WWOX: variants seen among roughly 807,000 people sequenced by gnomAD.
The protein encoded by WWOX is WW domain-containing oxidoreductase.
A neutral mutation model predicts 46.2 loss-of-function variants in WWOX; 69 were observed. The observed-to-expected ratio is 1.49, with a 90% CI of 1.23 to 1.82. The LOEUF (loss-of-function observed/expected upper bound fraction) is 1.82. Ranked by LOEUF, WWOX falls within the 40% of genes most tolerant of loss-of-function variation. WWOX has a pLI of 0.00. For synonymous variants in WWOX, 359 were observed against 202.6 expected, an observed-to-expected ratio of 1.77 and a Z score of -6.56; for missense variants, 919 against 542.6, an observed-to-expected ratio of 1.69 and a Z score of -6.89.
At chr16:78,139,570 A>T (rs1261226372) in intron 4 of WWOX, among the ~76,000 whole-genome samples, 1 of 152,132 alleles carries the variant, frequency 6.6e-6, no homozygotes, top group African/African-American at 2.4e-5. Flanking sequence ...GCTTGAACCC[A>T]GGAGGCGGAG....
intron 8 of WWOX, among the ~76,000 whole-genome samples, chr16:78,530,937 T>G (rs1263415876): frequency 6.6e-6 from 1 of 152,196 alleles, no homozygotes; most frequent in African/African-American, 2.4e-5. Flanking sequence ...AGTTTTCACT[T>G]AGTTGAGGGA....
intron 8 of WWOX, among the ~76,000 whole-genome samples, chr16:79,178,933 C>G (rs1227338875): frequency 6.6e-6 from 1 of 152,116 alleles, no homozygotes; most frequent in Non-Finnish European, 1.5e-5. Flanking sequence ...TATTATATTT[C>G]CCATTGACTA....
chr16:79,148,961 A>G (rs1315582620), intron 8 of WWOX, among the ~76,000 whole-genome samples: 6 of 152,044 alleles, frequency 3.9e-5, no homozygotes, highest in Non-Finnish European at 5.9e-5. Context: ...GGGATTTTCT[A>G]TCTAGCCTGT....
intron 4 of WWOX, among the ~76,000 whole-genome samples, chr16:78,138,039 T>G (rs2033860439): frequency 6.6e-6 from 1 of 150,558 alleles, no homozygotes; most frequent in Admixed American, 6.6e-5. Flanking sequence ...CTGATCAGCT[T>G]CTATAATGGA....
intron 5 of WWOX, among the ~76,000 whole-genome samples, chr16:78,210,338 T>G (rs1301873575): frequency 1.3e-5 from 2 of 152,180 alleles, no homozygotes; most frequent in Non-Finnish European, 2.9e-5. Context: ...ACTGAGGATT[T>G]TTAATGCCCT....
intron 5 of WWOX, among the ~76,000 whole-genome samples, chr16:78,189,796 A>G (rs34846007): frequency 0.06 from 9,150 of 152,222 alleles, 354 homozygotes; most frequent in Middle Eastern, 0.099. Context: ...CTGGGATTAC[A>G]GGCACCTGCC....
At chr16:78,862,288 T>G (rs535198353) in intron 8 of WWOX, among the ~76,000 whole-genome samples, 80 of 150,590 alleles carry the variant, frequency 5.3e-4, no homozygotes, top group African/African-American at 1.9e-3. Context: ...GGGTGTGTCT[T>G]TCTGTATCTA....
intron 8 of WWOX, among the ~76,000 whole-genome samples, chr16:78,585,050 T>C (rs2045161362): frequency 6.6e-6 from 1 of 152,204 alleles, no homozygotes; most frequent in Admixed American, 6.5e-5. Context: ...CCTCCACCCC[T>C]GGCCTGTTCA....
At chr16:78,403,160 G>C (rs980923721) in intron 6 of WWOX, among the ~76,000 whole-genome samples, 1 of 152,194 alleles carries the variant, frequency 6.6e-6, no homozygotes, top group Non-Finnish European at 1.5e-5. Context: ...TTTATTTTTT[G>C]AGTGACTTGA....
intron 8 of WWOX, among the ~76,000 whole-genome samples, chr16:78,933,844 T>TA (rs896364093): frequency 2.6e-4 from 40 of 152,260 alleles, no homozygotes; most frequent in African/African-American, 8.9e-4. Context: ...TTGTGGGAGT[T>TA]ACAAGTTGCA....
chr16:78,866,355 C>G (rs958536109), intron 8 of WWOX, among the ~76,000 whole-genome samples: 3 of 152,082 alleles, frequency 2.0e-5, no homozygotes, highest in Non-Finnish European at 2.9e-5. Context: ...ACATGATTAA[C>G]TTGCAATAAT....
chr16:78,503,855 A>T (rs2085130030), intron 8 of WWOX: 1 of 152,250 alleles, frequency 6.6e-6, no homozygotes, highest in Non-Finnish European at 1.5e-5. Context: ...AGTGTTGTCA[A>T]ATTTGCTAAA....
intron 8 of WWOX, among the ~76,000 whole-genome samples, chr16:78,940,598 C>A (rs1239306006): frequency 6.6e-6 from 1 of 151,950 alleles, no homozygotes; most frequent in Non-Finnish European, 1.5e-5. Flanking sequence ...TTCTCAAATG[C>A]TCTAATCTCC....
chr16:78,490,882 C>G (rs373086277), intron 8 of WWOX, among the ~76,000 whole-genome samples: 8 of 152,284 alleles, frequency 5.3e-5, no homozygotes, highest in African/African-American at 1.9e-4. Context: ...CAAAACAGGA[C>G]TCATTAGCAG....
intron 8 of WWOX, among the ~76,000 whole-genome samples, chr16:78,925,393 C>T (rs1378295963): frequency 6.6e-6 from 1 of 152,260 alleles, no homozygotes; most frequent in African/African-American, 2.4e-5. Context: ...TTTGAAAGGA[C>T]AGCTCTCAGG....
chr16:78,171,561 C>T (rs190023982), intron 5 of WWOX, among the ~76,000 whole-genome samples: 6 of 152,172 alleles, frequency 3.9e-5, no homozygotes, highest in African/African-American at 1.4e-4. Flanking sequence ...GATGATCATT[C>T]GTCAACGCAT....
At chr16:78,691,225 C>G (rs1211089056) in intron 8 of WWOX, 4 of 702,086 alleles carry the variant, frequency 5.7e-6, no homozygotes, top group African/African-American at 3.5e-5. Flanking sequence ...CTATGCTTCT[C>G]TTGTTTGTGA....
At chr16:78,725,211 C>G (rs531561172) in intron 8 of WWOX, among the ~76,000 whole-genome samples, 82 of 152,172 alleles carry the variant, frequency 5.4e-4, no homozygotes, top group African/African-American at 1.7e-3. Context: ...TATGATGTGC[C>G]TTTCGCTTTG....
chr16:79,079,468 C>T (rs986717331), intron 8 of WWOX, among the ~76,000 whole-genome samples: 5 of 152,222 alleles, frequency 3.3e-5, no homozygotes, highest in African/African-American at 1.2e-4. Flanking sequence ...CCTTGGGAGA[C>T]AGTCTTTCTT....
Sources: allele counts gnomAD v4.1 joint callset (sites outside exome capture counted in the v4.1 genomes callset), GRCh38; gene constraint gnomAD v4.1.1; transcripts MANE v1.5; gene names NCBI Gene and HGNC (gene_info 2026-07-23, HGNC 2026-07-21).